PRSS12: variants seen among roughly 807,000 people sequenced by gnomAD.
PRSS12 encodes serine protease 12.
A neutral mutation model predicts 104.4 loss-of-function variants in PRSS12; 85 were observed. The observed-to-expected ratio is 0.81, with a 90% CI of 0.68 to 0.98. PRSS12 has a LOEUF of 0.98. Ranked by LOEUF, PRSS12 falls within the 50% of genes least tolerant of loss-of-function variation. The probability of loss-of-function intolerance (pLI) is 0.00; values close to 1 mark genes in which losing one functional copy is unlikely to be tolerated. For missense variants in PRSS12, 1,141 were observed against 1,139.2 expected, an observed-to-expected ratio of 1.00 and a Z score of -0.02; for synonymous variants, 454 against 425.2, an observed-to-expected ratio of 1.07 and a Z score of -0.83.
chr4:118,311,891 G>A (rs1453219473), intron 7 of PRSS12, among the ~76,000 whole-genome samples: 5 of 152,210 alleles, frequency 3.3e-5, no homozygotes, highest in South Asian at 2.1e-4. Flanking sequence ...GCATATCTGC[G>A]TAGATCATCC....
intron 9 of PRSS12, 26 bp from the exon 10 acceptor site, chr4:118,295,882 A>C (rs538483737): frequency 1.3e-6 from 2 of 1,581,856 alleles, no homozygotes; most frequent in East Asian, 4.5e-5. Context: ...GTCATTAATT[A>C]AACTATCACA....
intron 8 of PRSS12, among the ~76,000 whole-genome samples, chr4:118,299,763 AT>A (rs201812457): frequency 0.17 from 10,237 of 58,924 alleles, 769 homozygotes; most frequent in Admixed American, 0.27. Flanking sequence ...AATAAATAAA[AT>A]TAAATAAAAT....
At chr4:118,333,531 T>A in intron 3 of PRSS12, among the ~76,000 whole-genome samples, 1 of 152,242 alleles carries the variant, frequency 6.6e-6, no homozygotes, top group East Asian at 1.9e-4. Context: ...AGGTTTAATA[T>A]ATATGGCTGA....
intron 2 of PRSS12, among the ~76,000 whole-genome samples, chr4:118,335,984 G>T (rs771688585): frequency 2.6e-5 from 4 of 152,178 alleles, no homozygotes; most frequent in Non-Finnish European, 4.4e-5. Flanking sequence ...ACGAGCTTCA[G>T]TGAGGCTTGG....
At position 118,298,830 on chromosome 4, in the gene PRSS12, G is replaced by T. The variant is rs773854750; in HGVS notation, c.1740C>A (p.Ile580=). Residue 580 remains isoleucine (I), a synonymous_variant, in exon 9 of 13, where the codon ATC becomes ATA. Transcript: ENST00000296498. The part of the protein sequence containing the change: ...TGNERSLADC[I]KQDIGRHNCR... ...AGTTGTGTCTTCCAATATCTTGCTTGATACAGTCAGCCAAGGACCTCTCAT... is the reference window on the plus strand; with the variant it reads ...AGTTGTGTCTTCCAATATCTTGCTTTATACAGTCAGCCAAGGACCTCTCAT... The T allele has an allele frequency of 6.2e-7, 1 of 1,614,080 alleles. No homozygotes were observed. The highest frequency in any genetic ancestry group is 1.1e-5 in the South Asian group (1 of 91,080).
intron 7 of PRSS12, among the ~76,000 whole-genome samples, chr4:118,310,189 T>C (rs1743671637): frequency 6.6e-6 from 1 of 152,210 alleles, no homozygotes; most frequent in African/African-American, 2.4e-5. Flanking sequence ...AAAGTGATCC[T>C]CAGATACCAA....
At chr4:118,301,074 A>T (rs1743395506) in intron 8 of PRSS12, among the ~76,000 whole-genome samples, 7 of 151,678 alleles carry the variant, frequency 4.6e-5, no homozygotes, top group Admixed American at 2.6e-4. Context: ...TGCATTTTTT[A>T]AATTTTATGT....
intron 4 of PRSS12, among the ~76,000 whole-genome samples, chr4:118,325,385 TA>T (rs1723746272): frequency 6.6e-6 from 1 of 151,792 alleles, no homozygotes; most frequent in African/African-American, 2.4e-5. Flanking sequence ...TCTGTATGTT[TA>T]TTATTTTAAT....
chr4:118,293,100 A>G (rs990591214), intron 11 of PRSS12, among the ~76,000 whole-genome samples: 5 of 151,832 alleles, frequency 3.3e-5, no homozygotes. Context: ...CTGCACAAAT[A>G]TTTACTGAAG....
intron 11 of PRSS12, 104 bp downstream of exon 11, chr4:118,294,835 C>T: frequency 6.6e-7 from 1 of 1,509,620 alleles, no homozygotes; most frequent in Non-Finnish European, 9.2e-7. Context: ...GCAGCGAAAG[C>T]TCATAGCCTG....
intron 3 of PRSS12, among the ~76,000 whole-genome samples, chr4:118,333,936 C>A (rs1398413617): frequency 2.6e-5 from 4 of 152,154 alleles, no homozygotes; most frequent in Admixed American, 2.6e-4. Context: ...TAATTAAACT[C>A]CCCACGTTTT....
chr4:118,335,712 AT>A, intron 2 of PRSS12, 61 bp from the exon 3 acceptor site: 3 of 1,478,036 alleles, frequency 2.0e-6, no homozygotes, highest in Non-Finnish European at 2.8e-6. Context: ...TTATCAAAAC[AT>A]TTGGATTTGA....
chr4:118,343,709 C>T (rs988679745), intron 1 of PRSS12, among the ~76,000 whole-genome samples: 1 of 152,132 alleles, frequency 6.6e-6, no homozygotes, highest in African/African-American at 2.4e-5. Flanking sequence ...TGAGCTATGA[C>T]TGTGCCACTA....
At chr4:118,288,818 A>G (rs534013792) in intron 11 of PRSS12, among the ~76,000 whole-genome samples, 1 of 152,250 alleles carries the variant, frequency 6.6e-6, no homozygotes, top group Non-Finnish European at 1.5e-5. Context: ...GCCAGTTACA[A>G]AAGAACTTAA....
At chr4:118,311,979 C>T (rs1743745320) in intron 7 of PRSS12, among the ~76,000 whole-genome samples, 1 of 152,110 alleles carries the variant, frequency 6.6e-6, no homozygotes. Flanking sequence ...CAACCACATC[C>T]ACCACATAAT....
At chr4:118,328,560 C>G (rs960475293) in intron 4 of PRSS12, among the ~76,000 whole-genome samples, 3 of 151,646 alleles carry the variant, frequency 2.0e-5, no homozygotes, top group Admixed American at 6.6e-5. Flanking sequence ...ATATTTGTCT[C>G]AAGGAAGAAC....
intron 6 of PRSS12, among the ~76,000 whole-genome samples, chr4:118,314,344 C>A (rs1283375110): frequency 6.6e-6 from 1 of 151,992 alleles, no homozygotes; most frequent in Non-Finnish European, 1.5e-5. Flanking sequence ...ATTTATTTGA[C>A]AAAATGAATA....
chr4:118,310,771 C>G (rs575583206), intron 7 of PRSS12, among the ~76,000 whole-genome samples: 2 of 152,130 alleles, frequency 1.3e-5, no homozygotes, highest in Admixed American at 6.5e-5. Context: ...TAATTTTAGG[C>G]CAGGCTCAGT....
At chr4:118,317,756 T>C (rs1272442134) in intron 5 of PRSS12, among the ~76,000 whole-genome samples, 1 of 152,360 alleles carries the variant, frequency 6.6e-6, no homozygotes, top group Non-Finnish European at 1.5e-5. Context: ...AAAACATTTT[T>C]TTCTTCAAGT....
Sources: allele counts gnomAD v4.1 joint callset (sites outside exome capture counted in the v4.1 genomes callset), GRCh38; gene constraint gnomAD v4.1.1; transcripts MANE v1.5; gene names NCBI Gene and HGNC (gene_info 2026-07-23, HGNC 2026-07-21).